The following ACHE variants were observed in gnomAD, a reference collection of about 807,000 sequenced individuals.
ACHE encodes acetylcholinesterase (Yt blood group), also known as acetylcholinesterase.
ACHE carries 19 observed loss-of-function variants against 53.9 expected under a neutral mutation model. The observed-to-expected ratio is 0.35, with a 90% CI of 0.25 to 0.52. The LOEUF is 0.52. ACHE is among the 20% of genes least tolerant of loss of function. The pLI is 0.95. For missense variants in ACHE, 605 were observed against 849.4 expected (o/e 0.71, Z 3.58); for synonymous variants, 392 against 378.1 (o/e 1.04, Z -0.43).
chr7:100,890,990 G>T, intron 4 of ACHE, 179 bp downstream of exon 4: 1 of 1,461,008 alleles, frequency 6.8e-7, no homozygotes. Context: ...AGGAAGAGGA[G>T]GAGAAGCTGG....
rs1402503226 is a variant in ACHE, at chr7:100,893,952, G to A, written c.281C>T (p.Thr94Ile). The stretch of plus-strand genomic sequence containing the variant: ...TTGGTAGCAGACACTCTGGAAGGTT[G>A]TAGCGTCTACCACCCCTGACCAAGG... ...KQPWSGVVDATTFQSVCYQYV... is the reference protein window; with the variant it reads ...KQPWSGVVDAITFQSVCYQYV... The change falls in exon 2 of 5, where the codon ACA (threonine) becomes ATA (isoleucine). Residue 94 changes from threonine to isoleucine, a missense_variant. Coordinates refer to ENST00000241069, the MANE Select transcript of ACHE (RefSeq NM_000665.5). The A allele has an allele frequency of 5.0e-6, 8 of 1,609,660 alleles. No homozygotes were observed. The African/African-American group carries it at 8.0e-5, about 16-fold the overall frequency.
intron 1 of ACHE, among the ~76,000 whole-genome samples, chr7:100,895,353 G>T (rs1314613966): frequency 6.6e-6 from 1 of 152,124 alleles, no homozygotes; most frequent in Non-Finnish European, 1.5e-5. Flanking sequence ...AAAAAATAGA[G>T]ATGGAGTCTC....
chr7:100,895,475 G>A (rs13223945), intron 1 of ACHE, among the ~76,000 whole-genome samples: 1 of 152,278 alleles, frequency 6.6e-6, no homozygotes, highest in East Asian at 1.9e-4. Flanking sequence ...GGGAACCTGC[G>A]CAGCTCGGGT....
chr7:100,894,619 G>A (rs376313347), intron 1 of ACHE, among the ~76,000 whole-genome samples: 4 of 145,762 alleles, frequency 2.7e-5, no homozygotes, highest in Admixed American at 2.0e-4. Flanking sequence ...CCGACAGGGC[G>A]CGGCCTCACG....
Position 100,892,570 on chromosome 7 carries a change from C to A in ACHE, c.1317G>T (p.Val439=), listed in dbSNP as rs1336013844. ...LSDVVGDHNV[V]CPVAQLAGRL... is the part of the protein sequence containing the mutation. ...GCCCAGCCAGCTGGGCCACGGGGCACACGACATTGTGGTCGCCCACCACAT... is the reference window on the plus strand; with the variant it reads ...GCCCAGCCAGCTGGGCCACGGGGCAAACGACATTGTGGTCGCCCACCACAT... The change falls in exon 3 of 5, where the codon GTG becomes GTT. Residue 439 remains valine (V), a synonymous_variant. Coordinates refer to ENST00000241069, the MANE Select transcript of ACHE (RefSeq NM_000665.5). This position sits in a 1 kb window ranked among gnomAD's most constrained non-coding sequence, Gnocchi z 5.2. 6.2e-7 allele frequency: 1 copy of A among 1,613,186 alleles called. No homozygotes were observed. Among genetic ancestry groups the A allele is most frequent in the Non-Finnish European group, 8.5e-7 (1 of 1,179,826 alleles).
rs776731867 is a variant in ACHE at position 100,894,093 on chromosome 7, C to T, written c.140G>A (p.Arg47Gln). 3 of 1,525,120 alleles carry T rather than the reference C, an allele frequency of 2.0e-6. No homozygotes were observed. Among genetic ancestry groups the T allele is most frequent in the Non-Finnish European group, 2.6e-6 (3 of 1,137,526 alleles). 94.5% of individuals were successfully genotyped at this position (1,525,120 alleles called of 1,614,324 possible). A position where few individuals can be genotyped will look rare whatever the true frequency, so the allele number is the denominator to read the frequency against. The change falls in exon 2 of 5, where the codon CGG becomes CAG. Residue 47 changes from arginine (R) to glutamine (Q), a missense_variant. Physicochemically the swap from Arg to Gln is conservative, Grantham distance 43. This residue lies in a region of ACHE where 89 missense variants were observed against 78.9 expected (regional missense o/e 1.13). Transcript: ENST00000241069. ...GGTCTTCAGGCGAATGCCCCGCAGC[C>T]GGCCCCCACGCACCGTCACCAGCAG... is the stretch of plus-strand genomic sequence containing the variant. ...AELLVTVRGG[R>Q]LRGIRLKTPG...
Position 100,892,290 on chromosome 7 carries a change from C to T in ACHE, c.1553+44G>A, listed in dbSNP as rs1286407871. 6.8e-6 allele frequency: 10 copies of T among 1,475,982 alleles called. No individual in the cohort carries two copies. The highest frequency in any genetic ancestry group is 1.4e-5 in the African/African-American group (1 of 70,824). The allele number at this position is 1,475,982 out of a possible 1,614,324, so 91.4% of individuals were successfully genotyped here. A position where few individuals can be genotyped will look rare whatever the true frequency, so the allele number is the denominator to read the frequency against. ...CTGCCTTTGTGTGTCCTCCCGCCCC[C>T]GACTCCTGTCCTCCCCAGCCTTCTC... On this transcript the variant is annotated intron_variant, in intron 3 of 4. Transcript: ENST00000241069. The surrounding 1 kb of genome is among the most constrained non-coding windows in gnomAD (Gnocchi z 5.2).
In ACHE at chr7:100,890,221, T is replaced by G; in HGVS notation, c.1838A>C (p.Asp613Ala). 1.2e-6 allele frequency: 2 copies of G among 1,613,408 alleles called. No homozygotes were observed. Among genetic ancestry groups the G allele is most frequent in the Non-Finnish European group, 1.7e-6 (2 of 1,179,664 alleles). Residue 613 changes from aspartate (D) to alanine (A), a missense_variant, in exon 5 of 5, where the codon GAC (aspartate) becomes GCC (alanine). Asp to Ala is a moderately radical substitution (Grantham distance 126, BLOSUM62 -2). This residue lies in a region of ACHE where 28 missense variants were observed against 54.8 expected (regional missense o/e 0.51). Coordinates refer to ENST00000241069, the MANE Select transcript of ACHE (RefSeq NM_000665.5). ...ATGGGGGTCCCGCCGGGGTCACAGG[T>G]CTGAGCAGCGATCCTGCTTGCTGTA... ...DHYSKQDRCS[D>A]L
At position 100,892,453 on chromosome 7, in the gene ACHE, G is replaced by A. The variant is rs151107784; in HGVS notation, c.1434C>T (p.His478=). The change falls in exon 3 of 5, where the codon CAC becomes CAT. Residue 478 remains histidine (H), a synonymous_variant. Coordinates refer to ENST00000241069, the MANE Select transcript of ACHE (RefSeq NM_000665.5). The surrounding 1 kb of genome is among the most constrained non-coding windows in gnomAD (Gnocchi z 5.2). ...LSWPLWMGVP[H]GYEIEFIFGI... ...CAAAGATGAACTCGATCTCGTAGCC[G>A]TGGGGCACCCCCATCCACAGGGGCC... 108 of 1,555,828 alleles carry A rather than the reference G, an allele frequency of 6.9e-5. No homozygotes were observed. The highest frequency in any genetic ancestry group is 2.2e-4 in the African/African-American group (16 of 72,836).
At position 100,892,377 on chromosome 7, in the gene ACHE, C is replaced by T. The variant is rs1030385619; in HGVS notation, c.1510G>A (p.Ala504Thr). The change falls in exon 3 of 5, where the codon GCC becomes ACC. Residue 504 changes from alanine to threonine, a missense_variant. Around this residue, in one of 4 missense-constraint regions of ACHE, gnomAD observed 397 missense variants for 632.5 expected, o/e 0.63. Coordinates refer to ENST00000241069, the MANE Select transcript of ACHE (RefSeq NM_000665.5). The surrounding 1 kb of genome is among the most constrained non-coding windows in gnomAD (Gnocchi z 5.2). ...GCCCAGTATCGCATCAGTCGCTGGG[C>T]GAAGATTTTCTCCTCTGCCGTGTAG... ...RNYTAEEKIF[A>T]QRLMRYWANF... The T allele has an allele frequency of 4.6e-6, 7 of 1,515,638 alleles. No individual in the cohort carries two copies. Among genetic ancestry groups the T allele is most frequent in the Admixed American group, 4.3e-5 (2 of 46,620 alleles). 93.9% of individuals were successfully genotyped at this position (1,515,638 alleles called of 1,614,324 possible). A position where few individuals can be genotyped will look rare whatever the true frequency, so the allele number is the denominator to read the frequency against.
At chr7:100,890,588 G>A in intron 4 of ACHE, 3 of 1,394,944 alleles carry the variant, frequency 2.2e-6, no homozygotes, top group Non-Finnish European at 2.8e-6. Context: ...CCGGAAGACG[G>A]GAACAGAGGG....
chr7:100,895,632 T>G (rs1313776326), intron 1 of ACHE, among the ~76,000 whole-genome samples, 170 bp downstream of exon 1: 1 of 152,010 alleles, frequency 6.6e-6, no homozygotes, highest in East Asian at 1.9e-4. Context: ...TCGGTGAGTG[T>G]GAGGCGGCCG....
At chr7:100,891,594 T>C (rs1295596940) in intron 3 of ACHE, among the ~76,000 whole-genome samples, 5 of 152,166 alleles carry the variant, frequency 3.3e-5, no homozygotes, top group Non-Finnish European at 5.9e-5. Context: ...CTTGAGACTT[T>C]CCTAAATAAC....
At chr7:100,890,988 G>T in intron 4 of ACHE, 181 bp downstream of exon 4, 1 of 1,461,654 alleles carries the variant, frequency 6.8e-7, no homozygotes, top group Non-Finnish European at 9.0e-7. Flanking sequence ...AGAGGAAGAG[G>T]AGGAGAAGCT....
Position 100,892,324 on chromosome 7 carries a change from C to A in ACHE, c.1553+10G>T. ...TCCTCCCCAGCCTTCTCTCCCTCTGCACTGCTGACCCTGTGCGGGCAAAGT... is the reference window on the plus strand; with the variant it reads ...TCCTCCCCAGCCTTCTCTCCCTCTGAACTGCTGACCCTGTGCGGGCAAAGT... On this transcript the variant is annotated intron_variant, in intron 3 of 4. Coordinates refer to ENST00000241069, the MANE Select transcript of ACHE (RefSeq NM_000665.5). The surrounding 1 kb of genome is among the most constrained non-coding windows in gnomAD (Gnocchi z 5.2). 1 of 1,506,614 alleles carries A rather than the reference C, an allele frequency of 6.6e-7. No individual in the cohort carries two copies. Among genetic ancestry groups the A allele is most frequent in the Non-Finnish European group, 8.9e-7 (1 of 1,125,882 alleles). The allele number at this position is 1,506,614 out of a possible 1,614,324, so 93.3% of individuals were successfully genotyped here.
At chr7:100,890,530 G>T in intron 4 of ACHE, 195 bp from the exon 5 acceptor site, 1 of 1,419,792 alleles carries the variant, frequency 7.0e-7, no homozygotes, top group Non-Finnish European at 9.2e-7. Flanking sequence ...GGGCAGAGGC[G>T]GGGCCGGAGA....
rs766300496 is a variant in ACHE at position 100,894,065 on chromosome 7, G to A, written c.168C>T (p.Pro56=). ...CCAGGAAAGCAGAGACAGGGCCCCC[G>A]GGGGTCTTCAGGCGAATGCCCCGCA... ...GRLRGIRLKT[P]GGPVSAFLGI... is the part of the protein sequence containing the mutation. The change falls in exon 2 of 5, where the codon CCC becomes CCT. Residue 56 remains proline (P), a synonymous_variant. Coordinates refer to ENST00000241069, the MANE Select transcript of ACHE (RefSeq NM_000665.5). 1.4e-5 allele frequency: 22 copies of A among 1,566,718 alleles called. No homozygotes were observed. The Admixed American group carries it at 1.9e-4, about 14-fold the overall frequency.
At position 100,890,075 on chromosome 7, in the gene ACHE, G is replaced by C; in HGVS notation, c.*139C>G. On this transcript the variant is annotated 3_prime_UTR_variant, in exon 5 of 5. Transcript: ENST00000241069. ...CTCAGCCTGAGACATGCAGAGGACC[G>C]GGAGCCCCGGGGGACGTCGGGGTGG... The C allele has an allele frequency of 9.3e-7, 1 of 1,075,016 alleles. No homozygotes were observed. Among genetic ancestry groups the C allele is most frequent in the Non-Finnish European group, 1.3e-6 (1 of 762,586 alleles). The allele number at this position is 1,075,016 out of a possible 1,614,324, so 66.6% of individuals were successfully genotyped here.
chr7:100,890,370 G>A (rs1238131541), intron 4 of ACHE, 35 bp from the exon 5 acceptor site: 2 of 1,592,332 alleles, frequency 1.3e-6, no homozygotes, highest in East Asian at 2.3e-5. Flanking sequence ...CGGGAGGGGA[G>A]GACGGCACGA....
Sources: allele counts gnomAD v4.1 joint callset (sites outside exome capture counted in the v4.1 genomes callset), GRCh38; gene constraint gnomAD v4.1.1; regional missense constraint gnomAD v4.1.1; non-coding constraint Gnocchi (gnomAD v3.1); transcripts MANE v1.5; gene names NCBI Gene and HGNC (gene_info 2026-07-23, HGNC 2026-07-21).